ANKS1B: variants seen among roughly 807,000 people sequenced by gnomAD.
ANKS1B encodes ankyrin repeat and sterile alpha motif domain-containing protein 1B.
In ANKS1B, 36 loss-of-function variants were observed where a neutral mutation model predicts 148.3. That is an observed-to-expected ratio of 0.24 (90% CI 0.19 to 0.32). The LOEUF is 0.32. ANKS1B is among the 10% of genes least tolerant of loss of function. The pLI is 1.00. For missense variants in ANKS1B, 1,157 were observed against 1,542.6 expected, an observed-to-expected ratio of 0.75 and a Z score of 4.19; for synonymous variants, 542 against 560.8, an observed-to-expected ratio of 0.97 and a Z score of 0.47.
At chr12:99,045,910 G>A (rs916720945) in intron 17 of ANKS1B, among the ~76,000 whole-genome samples, 2 of 152,192 alleles carry the variant, frequency 1.3e-5, no homozygotes, top group African/African-American at 2.4e-5. Flanking sequence ...GTAGACTAGC[G>A]TGGCTAGAGT....
At chr12:99,447,879 T>C (rs1567119178) in intron 10 of ANKS1B, among the ~76,000 whole-genome samples, 1 of 151,848 alleles carries the variant, frequency 6.6e-6, no homozygotes, top group African/African-American at 2.4e-5. Flanking sequence ...ATCAGAGAAA[T>C]GCAAATCAGA....
Position 99,514,447 on chromosome 12 carries a change from C to CT in ANKS1B, c.1273-9807dup, listed in dbSNP as rs2096795877. On this transcript the variant is annotated intron_variant, in intron 9 of 26. Coordinates refer to ENST00000683438, the MANE Select transcript of ANKS1B (RefSeq NM_001352186.2). ...TTCCCCACTGTGGGAAGAATTACAACTTATATTTATGCAGTGTTTTATCAT... is the reference window on the plus strand; with the variant it reads ...TTCCCCACTGTGGGAAGAATTACAACTTTATATTTATGCAGTGTTTTATCAT... Among the ~76,000 whole-genome samples, 5 of 152,174 alleles carry CT rather than the reference C, an allele frequency of 3.3e-5. No individual in the cohort carries two copies. The South Asian group carries it at 1.0e-3, about 32-fold the overall frequency.
At chr12:99,327,595 G>A (rs114422979) in intron 12 of ANKS1B, among the ~76,000 whole-genome samples, 3,548 of 147,638 alleles carry the variant, frequency 0.024, 151 homozygotes, top group African/African-American at 0.083. Context: ...ATTAAGCAAC[G>A]CATGACTCTG....
At chr12:99,409,740 A>C (rs1306868364) in intron 11 of ANKS1B, among the ~76,000 whole-genome samples, 1 of 149,392 alleles carries the variant, frequency 6.7e-6, no homozygotes, top group Non-Finnish European at 1.5e-5. Context: ...TCATAATATT[A>C]AAATGGAGAT....
intron 10 of ANKS1B, among the ~76,000 whole-genome samples, chr12:99,496,110 A>G (rs1459348338): frequency 6.6e-6 from 1 of 152,194 alleles, no homozygotes; most frequent in Non-Finnish European, 1.5e-5. Context: ...ACATGATTGG[A>G]AGCAGTCTTT....
intron 14 of ANKS1B, among the ~76,000 whole-genome samples, chr12:99,161,358 TATCTCTACG>T (rs2153830279): frequency 6.6e-6 from 1 of 152,122 alleles, no homozygotes; most frequent in East Asian, 1.9e-4. Flanking sequence ...GCAAGCCCTC[TATCTCTACG>T]AACAATTAAA....
At chr12:99,683,090 T>TTA (rs942820365) in intron 8 of ANKS1B, among the ~76,000 whole-genome samples, 3 of 152,084 alleles carry the variant, frequency 2.0e-5, no homozygotes, top group Non-Finnish European at 4.4e-5. Flanking sequence ...CTCGTGAGAC[T>TTA]TATACACTAC....
intron 8 of ANKS1B, among the ~76,000 whole-genome samples, chr12:99,690,573 C>T (rs540181688): frequency 3.3e-5 from 5 of 152,300 alleles, no homozygotes; most frequent in Admixed American, 6.5e-5. Context: ...AGTCTGAAAT[C>T]CAATGGGGCA....
At chr12:99,932,879 T>C (rs929559746) in intron 1 of ANKS1B, among the ~76,000 whole-genome samples, 1 of 152,178 alleles carries the variant, frequency 6.6e-6, no homozygotes, top group Non-Finnish European at 1.5e-5. Context: ...AAAATTTTCT[T>C]GTACCAATTT....
At chr12:99,723,459 T>A (rs1410967722) in intron 8 of ANKS1B, among the ~76,000 whole-genome samples, 3 of 152,062 alleles carry the variant, frequency 2.0e-5, no homozygotes, top group Non-Finnish European at 2.9e-5. Flanking sequence ...GAACTCCAAC[T>A]CCAGGCAGGG....
intron 15 of ANKS1B, among the ~76,000 whole-genome samples, chr12:99,108,858 T>C (rs937570381): frequency 2.1e-4 from 32 of 152,002 alleles, no homozygotes; most frequent in African/African-American, 7.5e-4. Context: ...ATTTCGGAAG[T>C]TGAGAGAGCA....
intron 9 of ANKS1B, among the ~76,000 whole-genome samples, chr12:99,646,873 G>A (rs2098374320): frequency 6.6e-6 from 1 of 150,464 alleles, no homozygotes; most frequent in East Asian, 1.9e-4. Flanking sequence ...TAAATGTGAT[G>A]TTTAAGGCTC....
chr12:99,685,446 G>C (rs1173883869), intron 8 of ANKS1B, among the ~76,000 whole-genome samples: 1 of 152,148 alleles, frequency 6.6e-6, no homozygotes, highest in Non-Finnish European at 1.5e-5. Context: ...TGTTGGCATG[G>C]ATGTGGTGAC....
At chr12:99,259,129 G>A (rs1009089238) in intron 12 of ANKS1B, among the ~76,000 whole-genome samples, 4 of 152,108 alleles carry the variant, frequency 2.6e-5, no homozygotes, top group African/African-American at 7.2e-5. Context: ...GCTTTGTGTC[G>A]GATTACCCTA....
intron 15 of ANKS1B, among the ~76,000 whole-genome samples, chr12:99,092,105 T>C (rs1338892178): frequency 2.0e-5 from 3 of 150,256 alleles, no homozygotes; most frequent in Admixed American, 6.8e-5. Flanking sequence ...TTCTGTTCAC[T>C]GAATCCTGGA....
intron 8 of ANKS1B, among the ~76,000 whole-genome samples, chr12:99,762,689 G>A (rs1392562307): frequency 2.0e-5 from 3 of 151,710 alleles, no homozygotes; most frequent in Non-Finnish European, 4.4e-5. Flanking sequence ...AAAACCTTCT[G>A]CACAGAAAAA....
intron 8 of ANKS1B, among the ~76,000 whole-genome samples, chr12:99,680,206 G>C (rs900537628): frequency 2.6e-5 from 4 of 152,114 alleles, no homozygotes; most frequent in African/African-American, 9.7e-5. Context: ...TTTGGGAGAC[G>C]AAGGTGGGTG....
At chr12:99,581,884 C>A (rs1416321793) in intron 9 of ANKS1B, among the ~76,000 whole-genome samples, 11 of 130,896 alleles carry the variant, frequency 8.4e-5, no homozygotes, top group East Asian at 4.4e-4. Context: ...GGCGACAGAG[C>A]GAGACTCCGT....
intron 16 of ANKS1B, among the ~76,000 whole-genome samples, chr12:99,070,844 T>G (rs1481890209): frequency 6.6e-6 from 1 of 152,124 alleles, no homozygotes; most frequent in Non-Finnish European, 1.5e-5. Context: ...TTTAATTTTT[T>G]TGGAGAGACA....
Sources: allele counts gnomAD v4.1 joint callset (sites outside exome capture counted in the v4.1 genomes callset), GRCh38; gene constraint gnomAD v4.1.1; transcripts MANE v1.5; gene names NCBI Gene and HGNC (gene_info 2026-07-23, HGNC 2026-07-21).